The following LRRFIP1 variants were observed in gnomAD, a reference collection of about 807,000 sequenced individuals.
LRRFIP1 encodes the protein leucine-rich repeat flightless-interacting protein 1.
Under a neutral mutation model 104.4 loss-of-function variants are expected in LRRFIP1, and 62 were observed. That is an observed-to-expected ratio of 0.59 (90% CI 0.48 to 0.73). The LOEUF (loss-of-function observed/expected upper bound fraction) is 0.73. Ranked by LOEUF, LRRFIP1 falls within the 30% of genes least tolerant of loss-of-function variation. The pLI, the probability that LRRFIP1 is intolerant of heterozygous loss-of-function variation, is 0.00. For missense variants in LRRFIP1, 796 were observed against 824.5 expected, an observed-to-expected ratio of 0.97 and a Z score of 0.42; for synonymous variants, 300 against 299.0, an observed-to-expected ratio of 1.00 and a Z score of -0.03.
chr2:237,764,134 G>A, intron 19 of LRRFIP1: 1 of 1,614,124 alleles, frequency 6.2e-7, no homozygotes, highest in East Asian at 2.2e-5. Context: ...ACTGTACCAT[G>A]TCCTAAGCTG....
In LRRFIP1 at chr2:237,720,762, C is replaced by A; in HGVS notation, c.295-10C>A. The A allele has an allele frequency of 3.1e-6, 5 of 1,613,618 alleles. No homozygotes were observed. Among genetic ancestry groups the A allele is most frequent in the Non-Finnish European group, 4.2e-6 (5 of 1,179,542 alleles). ...TCCTTCACGGTTGTTCTCGTCCTTT[C>A]TTTTAATAGGCTTCTGATGAAGACG... On this transcript the variant is annotated splice_polypyrimidine_tract_variant and intron_variant, in intron 5 of 23. Coordinates refer to ENST00000308482, the MANE Select transcript of LRRFIP1 (RefSeq NM_001137550.2).
At chr2:237,638,611 A>G (rs943266120) in intron 1 of LRRFIP1, among the ~76,000 whole-genome samples, 12 of 152,216 alleles carry the variant, frequency 7.9e-5, no homozygotes, top group African/African-American at 2.9e-4. Context: ...TGTGCAGTGC[A>G]CTGTGGTAGC....
At chr2:237,699,841 C>T (rs1407235860) in intron 1 of LRRFIP1, among the ~76,000 whole-genome samples, 6 of 152,134 alleles carry the variant, frequency 3.9e-5, no homozygotes, top group Non-Finnish European at 8.8e-5. Context: ...TCAACACTTC[C>T]GCCACTGCCA....
At chr2:237,646,476 G>A (rs1305393105) in intron 1 of LRRFIP1, among the ~76,000 whole-genome samples, 3 of 151,886 alleles carry the variant, frequency 2.0e-5, no homozygotes, top group South Asian at 2.1e-4. Flanking sequence ...CCTATTCTGC[G>A]TTAGTTTGCT....
chr2:237,743,063 C>T (rs2279647), intron 11 of LRRFIP1, among the ~76,000 whole-genome samples: 22,187 of 152,166 alleles, frequency 0.15, 1,942 homozygotes, highest in East Asian at 0.33. Flanking sequence ...CTTTATTTCT[C>T]CTTGGCTGGG....
chr2:237,746,145 A>G (rs11694692), intron 11 of LRRFIP1, among the ~76,000 whole-genome samples: 18,765 of 149,928 alleles, frequency 0.13, 1,513 homozygotes, highest in African/African-American at 0.22. Context: ...TGCAACCTCT[A>G]CCTCCTGGGT....
rs954503657 is a variant in LRRFIP1, at chr2:237,649,805, T to C, written c.96+22065T>C. On this transcript the variant is annotated intron_variant, in intron 1 of 23. Coordinates refer to ENST00000308482, the MANE Select transcript of LRRFIP1 (RefSeq NM_001137550.2). The surrounding 1 kb of genome is among the most constrained non-coding windows in gnomAD (Gnocchi z 4.1). Reference sequence around the variant, plus strand: ...GGTCATGCCACCCGGGCTGAGTTCATTTACCTGCTCATTCATGTATTCACT... The same window carrying C: ...GGTCATGCCACCCGGGCTGAGTTCACTTACCTGCTCATTCATGTATTCACT... Among the ~76,000 whole-genome samples, 19 of 151,862 alleles carry C rather than the reference T, an allele frequency of 1.3e-4. No homozygotes were observed. The highest frequency in any genetic ancestry group is 2.7e-4 in the Non-Finnish European group (18 of 67,892).
intron 19 of LRRFIP1, chr2:237,763,423 G>A (rs1274942393): frequency 6.2e-7 from 1 of 1,613,592 alleles, no homozygotes; most frequent in African/African-American, 1.3e-5. Flanking sequence ...AGAAGACAAA[G>A]AACAAGAAAA....
chr2:237,692,582 C>CAGGA, intron 1 of LRRFIP1: 1 of 1,448,482 alleles, frequency 6.9e-7, no homozygotes, highest in Non-Finnish European at 9.2e-7. Context: ...CAGGGGCTTC[C>CAGGA]AGCTCGTTCC....
At chr2:237,693,407 C>T (rs754450953) in intron 1 of LRRFIP1, among the ~76,000 whole-genome samples, 5 of 152,090 alleles carry the variant, frequency 3.3e-5, no homozygotes, top group Non-Finnish European at 5.9e-5. Flanking sequence ...TAGGAAATGC[C>T]AGAGAGAGGT....
At chr2:237,695,894 T>G (rs2093150820) in intron 1 of LRRFIP1, among the ~76,000 whole-genome samples, 1 of 152,246 alleles carries the variant, frequency 6.6e-6, no homozygotes, top group Non-Finnish European at 1.5e-5. Context: ...ATGCAAGATT[T>G]AATCATTCAA....
rs1256245190 is a variant in LRRFIP1, at chr2:237,711,128, C to A, written c.183+2498C>A. Among the ~76,000 whole-genome samples the A allele has an allele frequency of 6.6e-6, 1 of 152,198 alleles. No individual in the cohort carries two copies. The highest frequency in any genetic ancestry group is 1.5e-5 in the Non-Finnish European group (1 of 68,044). ...TGCTACTCCAGATGGGAAACCAAGT[C>A]TTGGGCATTTAATTTTAGTATCATG... is the stretch of plus-strand genomic sequence containing the variant. On this transcript the variant is annotated intron_variant, in intron 2 of 23. Coordinates refer to ENST00000308482, the MANE Select transcript of LRRFIP1 (RefSeq NM_001137550.2). The surrounding 1 kb of genome is among the most constrained non-coding windows in gnomAD (Gnocchi z 4.4).
intron 1 of LRRFIP1, chr2:237,692,603 G>A (rs1470528490): frequency 1.5e-6 from 2 of 1,377,710 alleles, no homozygotes; most frequent in African/African-American, 3.0e-5. Context: ...GAGGTCAATG[G>A]CAGGCGCAGG....
At chr2:237,701,218 G>A (rs1424396543) in intron 1 of LRRFIP1, among the ~76,000 whole-genome samples, 1 of 152,194 alleles carries the variant, frequency 6.6e-6, no homozygotes, top group Admixed American at 6.5e-5. Context: ...CACCAGTGTT[G>A]GTTGTGTTTC....
chr2:237,744,507 G>A (rs2057544881), intron 11 of LRRFIP1, among the ~76,000 whole-genome samples: 1 of 152,184 alleles, frequency 6.6e-6, no homozygotes, highest in South Asian at 2.1e-4. Context: ...GTGTGTACAG[G>A]AGCCTAGATA....
At chr2:237,761,566 T>C (rs904922142) in intron 19 of LRRFIP1, among the ~76,000 whole-genome samples, 9 of 152,270 alleles carry the variant, frequency 5.9e-5, no homozygotes, top group Admixed American at 3.9e-4. Flanking sequence ...CAAATGACTT[T>C]TGATCACATA....
chr2:237,705,489 CT>C (rs2093757823), intron 1 of LRRFIP1, among the ~76,000 whole-genome samples: 1 of 152,044 alleles, frequency 6.6e-6, no homozygotes. Context: ...CGGCAAAACC[CT>C]GTCTGTACAA....
chr2:237,628,427 A>C (rs1437057827), intron 1 of LRRFIP1, among the ~76,000 whole-genome samples: 2 of 128,690 alleles, frequency 1.6e-5, no homozygotes, highest in African/African-American at 5.8e-5. Context: ...GGGTATTTGT[A>C]CAAATGCCTT....
chr2:237,764,132 A>G (rs1243870367), intron 19 of LRRFIP1: 4 of 1,614,174 alleles, frequency 2.5e-6, no homozygotes, highest in African/African-American at 1.3e-5. Context: ...AGACTGTACC[A>G]TGTCCTAAGC....
Sources: allele counts gnomAD v4.1 joint callset (sites outside exome capture counted in the v4.1 genomes callset), GRCh38; gene constraint gnomAD v4.1.1; non-coding constraint Gnocchi (gnomAD v3.1); transcripts MANE v1.5; gene names NCBI Gene and HGNC (gene_info 2026-07-23, HGNC 2026-07-21).